The following TMEM135 variants were observed in gnomAD, a reference collection of about 807,000 sequenced individuals.
TMEM135 encodes the protein transmembrane protein 135.
TMEM135 carries 30 observed loss-of-function variants against 60.3 expected under a neutral mutation model. The observed-to-expected ratio is 0.50, with a 90% confidence interval of 0.37 to 0.68. The LOEUF (loss-of-function observed/expected upper bound fraction) is 0.68, where lower values mean the gene tolerates loss of function less well. Ranked by LOEUF, TMEM135 falls within the 30% of genes least tolerant of loss-of-function variation. The pLI, the probability that TMEM135 is intolerant of heterozygous loss-of-function variation, is 0.00. For synonymous variants in TMEM135, 190 were observed against 186.7 expected (o/e 1.02, Z -0.14); for missense variants, 468 against 548.8 (o/e 0.85, Z 1.47).
At chr11:87,061,119 A>G (rs77647537) in intron 1 of TMEM135, among the ~76,000 whole-genome samples, 2,802 of 152,318 alleles carry the variant, frequency 0.018, 99 homozygotes, top group African/African-American at 0.064. Flanking sequence ...GGTATATAGG[A>G]TGGTGCCTGG....
At chr11:87,316,454 A>G (rs887294166) in intron 12 of TMEM135, among the ~76,000 whole-genome samples, 1 of 152,042 alleles carries the variant, frequency 6.6e-6, no homozygotes, top group Non-Finnish European at 1.5e-5. Context: ...AGTTTTAAGC[A>G]TGGAAATGAC....
chr11:87,256,922 GTGTGTA>G (rs1303480576), intron 6 of TMEM135, among the ~76,000 whole-genome samples: 6 of 151,850 alleles, frequency 4.0e-5, no homozygotes, highest in African/African-American at 7.3e-5. Flanking sequence ...ACATTTGTGT[GTGTGTA>G]TGTGTATGTG....
chr11:87,110,813 G>A lies in TMEM135; in HGVS notation c.396+19418G>A, dbSNP rs577535124. Among the ~76,000 whole-genome samples, 12 of 152,068 alleles carry A rather than the reference G, an allele frequency of 7.9e-5. 1 individual carries two copies. In the South Asian group the frequency reaches 2.3e-3, roughly 29 times the overall value. On this transcript the variant is annotated intron_variant, in intron 4 of 14. Coordinates refer to ENST00000305494, the MANE Select transcript of TMEM135 (RefSeq NM_022918.4). ...GTGATGAATAAATGAATAATTCAGG[G>A]TCAATAAAAAATTGCATACTTTTAA...
intron 4 of TMEM135, among the ~76,000 whole-genome samples, chr11:87,097,688 C>G (rs1250775089): frequency 6.6e-6 from 1 of 152,152 alleles, no homozygotes; most frequent in Non-Finnish European, 1.5e-5. Context: ...CCACACTGCC[C>G]TCTCTGGTGT....
intron 5 of TMEM135, among the ~76,000 whole-genome samples, chr11:87,223,161 C>CTTTTTTT (rs34711550): frequency 7.5e-6 from 1 of 133,782 alleles, no homozygotes. Flanking sequence ...TTGAAAAGCA[C>CTTTTTTT]TTTTTTTTTT....
rs1456389865 is a variant in TMEM135 at position 87,195,375 on chromosome 11, TTCCTTCCTTCCTTCCTTC to T, written c.462+37972_462+37989del. Among the ~76,000 whole-genome samples, 282 of 109,686 alleles carry T rather than the reference TTCCTTCCTTCCTTCCTTC, an allele frequency of 2.6e-3. 9 individuals are homozygous for T. Among genetic ancestry groups the T allele is most frequent in the Non-Finnish European group, 3.3e-3 (171 of 51,194 alleles). The allele number at this position is 109,686 out of a possible 152,430, so 72.0% of individuals were successfully genotyped here. ...CTTCCTTCCTTCCTTCCTTCCTTCCTTCCTTCCTTCCTTCCTTCTCTCTCTCTCTCTCTCTGTTTCTCT... is the reference window on the plus strand; with the variant it reads ...CTTCCTTCCTTCCTTCCTTCCTTCCTTCTCTCTCTCTCTCTCTGTTTCTCT... On this transcript the variant is annotated intron_variant, in intron 5 of 14. Coordinates refer to ENST00000305494, the MANE Select transcript of TMEM135 (RefSeq NM_022918.4).
chr11:87,055,045 A>C (rs945803569), intron 1 of TMEM135, among the ~76,000 whole-genome samples: 5 of 152,190 alleles, frequency 3.3e-5, no homozygotes, highest in African/African-American at 1.2e-4. Flanking sequence ...TGAAGGGGGA[A>C]GGTAAACTTT....
chr11:87,041,540 T>C (rs1949750130), intron 1 of TMEM135, among the ~76,000 whole-genome samples: 1 of 152,204 alleles, frequency 6.6e-6, no homozygotes, highest in Non-Finnish European at 1.5e-5. Context: ...ATATGATCTT[T>C]AGAAAAATTA....
At position 87,120,473 on chromosome 11, in the gene TMEM135, T is replaced by TTTTTTC. The variant is rs1858024607; in HGVS notation, c.396+29083_396+29084insCTTTTT. ...AAAATATAGCATGAGATGAAATTTCTTTTTTTTTTTTTTTTTGAGACAGAG... is the reference window on the plus strand; with the variant it reads ...AAAATATAGCATGAGATGAAATTTCTTTTTTCTTTTTTTTTTTTTTTTGAGACAGAG... On this transcript the variant is annotated intron_variant, in intron 4 of 14. Coordinates refer to ENST00000305494, the MANE Select transcript of TMEM135 (RefSeq NM_022918.4). Among the ~76,000 whole-genome samples, 2 of 46,534 alleles carry TTTTTTC rather than the reference T, an allele frequency of 4.3e-5. 1 individual carries two copies. Among genetic ancestry groups the TTTTTTC allele is most frequent in the Non-Finnish European group, 8.2e-5 (2 of 24,378 alleles). 30.5% of individuals were successfully genotyped at this position (46,534 alleles called of 152,430 possible).
intron 5 of TMEM135, among the ~76,000 whole-genome samples, chr11:87,222,329 T>A (rs1276179897): frequency 6.2e-5 from 9 of 145,502 alleles, no homozygotes; most frequent in Non-Finnish European, 1.3e-4. Context: ...ACCCCGTCTC[T>A]ACTAAAAATG....
At chr11:87,114,496 G>C (rs2135203768) in intron 4 of TMEM135, among the ~76,000 whole-genome samples, 1 of 152,188 alleles carries the variant, frequency 6.6e-6, no homozygotes, top group East Asian at 1.9e-4. Context: ...TGAAACAGTA[G>C]AATATGATTT....
intron 6 of TMEM135, among the ~76,000 whole-genome samples, chr11:87,238,067 C>G (rs532077652): frequency 1.3e-5 from 2 of 151,892 alleles, no homozygotes; most frequent in East Asian, 3.9e-4. Context: ...ATTCATCTGT[C>G]AGTGGACACT....
intron 1 of TMEM135, among the ~76,000 whole-genome samples, chr11:87,064,400 C>A (rs1447211605): frequency 6.6e-6 from 1 of 152,014 alleles, no homozygotes; most frequent in African/African-American, 2.4e-5. Context: ...TTTCATCTTG[C>A]AAAGTAGTAG....
intron 6 of TMEM135, among the ~76,000 whole-genome samples, chr11:87,267,703 CT>C (rs920812436): frequency 6.6e-5 from 8 of 120,718 alleles, no homozygotes; most frequent in African/African-American, 1.9e-4. Context: ...GATCAGTATT[CT>C]TTTTTTTTGA....
At chr11:87,153,169 A>C (rs928017064) in intron 4 of TMEM135, among the ~76,000 whole-genome samples, 1 of 152,214 alleles carries the variant, frequency 6.6e-6, no homozygotes, top group African/African-American at 2.4e-5. Context: ...ATGCATTCCT[A>C]TTATGCCAGG....
At chr11:87,232,428 G>A (rs1200296375) in intron 5 of TMEM135, among the ~76,000 whole-genome samples, 1 of 152,044 alleles carries the variant, frequency 6.6e-6, no homozygotes, top group Non-Finnish European at 1.5e-5. Flanking sequence ...ACAGATCCAA[G>A]TAGCCTAATA....
intron 6 of TMEM135, among the ~76,000 whole-genome samples, chr11:87,240,580 G>A (rs1247536948): frequency 6.6e-6 from 1 of 151,932 alleles, no homozygotes; most frequent in East Asian, 1.9e-4. Flanking sequence ...TAATTAAGAA[G>A]CAAAAGAAAG....
intron 5 of TMEM135, among the ~76,000 whole-genome samples, chr11:87,223,790 C>T (rs774247011): frequency 4.6e-5 from 7 of 151,456 alleles, no homozygotes; most frequent in Admixed American, 6.6e-5. Flanking sequence ...GCAGAGGTTG[C>T]AGTGAGCCGA....
At chr11:87,295,714 A>T in intron 6 of TMEM135, 68 bp from the exon 7 acceptor site, 2 of 1,357,960 alleles carry the variant, frequency 1.5e-6, no homozygotes, top group Non-Finnish European at 2.1e-6. Context: ...TATTTTCAGA[A>T]AAAAATTGAA....
Sources: allele counts gnomAD v4.1 joint callset (sites outside exome capture counted in the v4.1 genomes callset), GRCh38; gene constraint gnomAD v4.1.1; transcripts MANE v1.5; gene names NCBI Gene and HGNC (gene_info 2026-07-23, HGNC 2026-07-21).